TMTC2: variants seen among roughly 807,000 people sequenced by gnomAD.
TMTC2 encodes transmembrane O-mannosyltransferase targeting cadherins 2, also known as protein O-mannosyl-transferase TMTC2.
In TMTC2, 43 loss-of-function variants were observed where a neutral mutation model predicts 82.4. The ratio of observed to expected loss-of-function variants is 0.52; its 90% CI spans 0.41 to 0.67. The LOEUF (loss-of-function observed/expected upper bound fraction) is 0.67, where lower values mean the gene tolerates loss of function less well. Ranked by LOEUF, TMTC2 falls within the 30% of genes least tolerant of loss-of-function variation. The pLI is 0.00. For synonymous variants in TMTC2, 408 were observed against 381.9 expected (o/e 1.07, Z -0.80); for missense variants, 919 against 1,012.4 (o/e 0.91, Z 1.25).
At chr12:82,747,595 A>G (rs1875756241) in intron 1 of TMTC2, among the ~76,000 whole-genome samples, 1 of 152,246 alleles carries the variant, frequency 6.6e-6, no homozygotes, top group Non-Finnish European at 1.5e-5. Context: ...TAAAGATTTT[A>G]GAGCATGGAA....
intron 1 of TMTC2, among the ~76,000 whole-genome samples, chr12:82,786,470 T>C (rs1878180009): frequency 6.6e-6 from 1 of 152,144 alleles, no homozygotes; most frequent in Non-Finnish European, 1.5e-5. Context: ...TAGAGATCAG[T>C]GGTGCTGACT....
chr12:82,702,015 C>T (rs1873108040), intron 1 of TMTC2, among the ~76,000 whole-genome samples: 1 of 152,148 alleles, frequency 6.6e-6, no homozygotes, highest in South Asian at 2.1e-4. Flanking sequence ...CAATGTGTTT[C>T]TGATTTCCCC....
chr12:82,818,255 C>T (rs1868866801), intron 1 of TMTC2, among the ~76,000 whole-genome samples: 1 of 151,952 alleles, frequency 6.6e-6, no homozygotes, highest in African/African-American at 2.4e-5. Flanking sequence ...CAAATACTTC[C>T]AGATAATTCA....
At chr12:82,831,427 C>G (rs1385370666) in intron 1 of TMTC2, among the ~76,000 whole-genome samples, 2 of 152,172 alleles carry the variant, frequency 1.3e-5, no homozygotes, top group African/African-American at 4.8e-5. Context: ...TACATTATGT[C>G]TCATTGATCA....
intron 2 of TMTC2, among the ~76,000 whole-genome samples, chr12:82,883,983 T>C (rs1872965829): frequency 6.6e-6 from 1 of 152,172 alleles, no homozygotes; most frequent in Admixed American, 6.5e-5. Context: ...GATTTGACCA[T>C]AGCGCACTGC....
At chr12:83,055,701 A>G (rs2137463702) in intron 10 of TMTC2, among the ~76,000 whole-genome samples, 1 of 136,236 alleles carries the variant, frequency 7.3e-6, no homozygotes, top group African/African-American at 2.8e-5. Context: ...GCTCTAGTGG[A>G]AGGGGTGTGT....
At chr12:82,777,717 T>C (rs1408461605) in intron 1 of TMTC2, among the ~76,000 whole-genome samples, 2 of 152,192 alleles carry the variant, frequency 1.3e-5, no homozygotes, top group Non-Finnish European at 2.9e-5. Context: ...TACCATCTCA[T>C]TCCAAATGCC....
At chr12:82,887,124 C>G (rs531879977) in intron 2 of TMTC2, among the ~76,000 whole-genome samples, 12 of 152,118 alleles carry the variant, frequency 7.9e-5, no homozygotes, top group African/African-American at 2.7e-4. Flanking sequence ...ATTAAATGAG[C>G]CTTATGCTTA....
intron 1 of TMTC2, among the ~76,000 whole-genome samples, chr12:82,727,486 G>C (rs184629463): frequency 1.3e-5 from 2 of 151,964 alleles, no homozygotes; most frequent in African/African-American, 4.8e-5. Context: ...GGTGGCTCAC[G>C]GTGGAGGGTG....
chr12:82,814,592 A>C (rs565970463), intron 1 of TMTC2, among the ~76,000 whole-genome samples: 1 of 152,190 alleles, frequency 6.6e-6, no homozygotes, highest in African/African-American at 2.4e-5. Flanking sequence ...TAAAGGAAGC[A>C]AGTAGATAAG....
intron 11 of TMTC2, among the ~76,000 whole-genome samples, chr12:83,112,397 T>G (rs969985535): frequency 6.6e-6 from 1 of 152,184 alleles, no homozygotes; most frequent in Non-Finnish European, 1.5e-5. Flanking sequence ...AAGAAATTAC[T>G]ATTTAATTTC....
At chr12:82,875,784 G>C (rs1458741711) in intron 2 of TMTC2, among the ~76,000 whole-genome samples, 1 of 149,964 alleles carries the variant, frequency 6.7e-6, no homozygotes, top group Non-Finnish European at 1.5e-5. Flanking sequence ...TAGGGCACTT[G>C]ATTTTTTTTA....
chr12:82,994,003 G>A (rs1484870045), intron 8 of TMTC2, among the ~76,000 whole-genome samples: 5 of 152,092 alleles, frequency 3.3e-5, no homozygotes, highest in African/African-American at 1.2e-4. Context: ...TGTGAGCAGC[G>A]TGCATGTAAC....
At chr12:83,089,863 A>G (rs1000252105) in intron 11 of TMTC2, among the ~76,000 whole-genome samples, 1 of 150,878 alleles carries the variant, frequency 6.6e-6, no homozygotes, top group African/African-American at 2.4e-5. Context: ...AAAAAAAACT[A>G]TTTTAATCTC....
chr12:82,740,922 C>G (rs529774121), intron 1 of TMTC2, among the ~76,000 whole-genome samples: 4 of 152,348 alleles, frequency 2.6e-5, no homozygotes, highest in African/African-American at 9.6e-5. Context: ...CTTCCAAACT[C>G]GAGCACAACA....
intron 9 of TMTC2, among the ~76,000 whole-genome samples, chr12:83,034,428 G>A (rs1321080710): frequency 3.3e-5 from 5 of 152,166 alleles, no homozygotes; most frequent in African/African-American, 7.2e-5. Context: ...AGGAAGGGAG[G>A]CCACAGAGGA....
intron 9 of TMTC2, among the ~76,000 whole-genome samples, chr12:83,049,330 T>C (rs903760302): frequency 2.0e-5 from 3 of 152,132 alleles, no homozygotes; most frequent in African/African-American, 7.2e-5. Flanking sequence ...CACCCTCAAG[T>C]AGCTCCTCGT....
chr12:82,977,691 A>C, intron 7 of TMTC2, among the ~76,000 whole-genome samples: 1 of 151,868 alleles, frequency 6.6e-6, no homozygotes, highest in East Asian at 1.9e-4. Flanking sequence ...AAGATACTTT[A>C]ATAATATTTT....
intron 11 of TMTC2, among the ~76,000 whole-genome samples, chr12:83,106,212 G>A (rs956730039): frequency 5.3e-5 from 8 of 152,142 alleles, no homozygotes; most frequent in Non-Finnish European, 1.0e-4. Flanking sequence ...GTATAAAATA[G>A]TGACTATCTT....
Sources: gnomAD v4.1 joint callset for allele counts (sites outside exome capture counted in the v4.1 genomes callset) on GRCh38, gnomAD v4.1.1 for gene constraint, MANE v1.5 for transcripts, NCBI Gene and HGNC (gene_info 2026-07-23, HGNC 2026-07-21) for gene names.